The following CSMD1 variants were observed in gnomAD, a reference collection of about 807,000 sequenced individuals.
The protein encoded by CSMD1 is CUB and Sushi multiple domains 1.
A neutral mutation model predicts 417.5 loss-of-function variants in CSMD1; 213 were observed. The ratio of observed to expected loss-of-function variants is 0.51; its 90% CI spans 0.46 to 0.57. CSMD1 has a LOEUF of 0.57. Ranked by LOEUF, CSMD1 falls within the 20% of genes least tolerant of loss-of-function variation. The probability of loss-of-function intolerance (pLI) is 0.00; values close to 1 mark genes in which losing one functional copy is unlikely to be tolerated. For missense variants in CSMD1, 6,923 were observed against 4,529.7 expected, an observed-to-expected ratio of 1.53 and a Z score of -15.17; for synonymous variants, 2,862 against 1,736.8, an observed-to-expected ratio of 1.65 and a Z score of -16.11.
chr8:4,281,778 G>T (rs1350348783), intron 3 of CSMD1, among the ~76,000 whole-genome samples: 3 of 152,124 alleles, frequency 2.0e-5, no homozygotes, highest in Non-Finnish European at 4.4e-5. Context: ...GGAATAAAGT[G>T]ATAACTGTAT....
chr8:3,413,820 G>C (rs895797627), intron 12 of CSMD1, among the ~76,000 whole-genome samples: 6 of 152,068 alleles, frequency 3.9e-5, no homozygotes, highest in Non-Finnish European at 8.8e-5. Context: ...CTATGTCAGA[G>C]ACGATTTTAA....
At chr8:3,528,301 A>G (rs949594656) in intron 10 of CSMD1, among the ~76,000 whole-genome samples, 1 of 152,204 alleles carries the variant, frequency 6.6e-6, no homozygotes, top group African/African-American at 2.4e-5. Flanking sequence ...TGTTTTGCTA[A>G]TAGCTCAGTG....
intron 3 of CSMD1, among the ~76,000 whole-genome samples, chr8:4,182,249 T>C (rs905608259): frequency 6.6e-6 from 1 of 152,140 alleles, no homozygotes; most frequent in Non-Finnish European, 1.5e-5. Flanking sequence ...AAAAACGGAA[T>C]ATATCTAGAT....
intron 1 of CSMD1, among the ~76,000 whole-genome samples, chr8:4,920,946 G>C (rs535688927): frequency 2.6e-4 from 1 of 3,810 alleles, no homozygotes; most frequent in South Asian, 0.014. Flanking sequence ...AAGAAAGAAA[G>C]AAAGAAAGAA....
chr8:3,322,102 T>C (rs899521042), intron 23 of CSMD1, among the ~76,000 whole-genome samples: 1 of 152,222 alleles, frequency 6.6e-6, no homozygotes, highest in African/African-American at 2.4e-5. Flanking sequence ...AGTGCAGACA[T>C]CTTCAGTGTT....
intron 5 of CSMD1, among the ~76,000 whole-genome samples, chr8:3,767,641 T>G (rs1017325572): frequency 6.6e-6 from 1 of 152,214 alleles, no homozygotes; most frequent in African/African-American, 2.4e-5. Context: ...ATTCACGCAA[T>G]GCATACTGTA....
chr8:3,716,811 C>T (rs555627120), intron 6 of CSMD1, among the ~76,000 whole-genome samples: 8 of 152,128 alleles, frequency 5.3e-5, no homozygotes, highest in East Asian at 1.9e-4. Flanking sequence ...GTCACTTATC[C>T]GATGGAAGTA....
At chr8:3,370,975 C>A (rs538995450) in intron 18 of CSMD1, among the ~76,000 whole-genome samples, 33 of 143,522 alleles carry the variant, frequency 2.3e-4, no homozygotes, top group African/African-American at 7.1e-4. Context: ...CAAACTCCAT[C>A]AAAAAAAAAA....
chr8:3,644,508 A>T (rs1797476926), intron 7 of CSMD1, among the ~76,000 whole-genome samples: 1 of 152,200 alleles, frequency 6.6e-6, no homozygotes. Flanking sequence ...ATTAGCAAAA[A>T]GAAGATGGGG....
chr8:4,887,149 T>C (rs1287953414), intron 1 of CSMD1, among the ~76,000 whole-genome samples: 1 of 152,104 alleles, frequency 6.6e-6, no homozygotes, highest in African/African-American at 2.4e-5. Flanking sequence ...TTTACCTGCA[T>C]TCCATAAGAT....
chr8:3,367,540 C>T (rs1809678127), intron 19 of CSMD1, among the ~76,000 whole-genome samples: 1 of 151,800 alleles, frequency 6.6e-6, no homozygotes, highest in Non-Finnish European at 1.5e-5. Flanking sequence ...CACATCAAGC[C>T]TTAATCAAAA....
At chr8:3,571,467 A>T (rs573650750) in intron 10 of CSMD1, among the ~76,000 whole-genome samples, 4 of 152,186 alleles carry the variant, frequency 2.6e-5, no homozygotes, top group African/African-American at 9.7e-5. Context: ...GTAACTGTTC[A>T]AGGACAGCAG....
intron 3 of CSMD1, among the ~76,000 whole-genome samples, chr8:4,117,031 C>A (rs1381008919): frequency 1.3e-5 from 2 of 151,386 alleles, no homozygotes; most frequent in East Asian, 1.9e-4. Flanking sequence ...TTTTTCTTTT[C>A]GCAGTTTGGA....
chr8:4,937,196 G>C (rs1047036907), intron 1 of CSMD1, among the ~76,000 whole-genome samples: 52 of 151,962 alleles, frequency 3.4e-4, no homozygotes, highest in Middle Eastern at 6.8e-3. Flanking sequence ...CTGAGCAACA[G>C]AGCCAGGCCC....
chr8:4,053,397 A>G (rs1585213713), intron 3 of CSMD1, among the ~76,000 whole-genome samples: 1 of 150,284 alleles, frequency 6.7e-6, no homozygotes, highest in African/African-American at 2.5e-5. Context: ...GACTGCCTCT[A>G]CCTTGGTGTG....
rs564244752 is a variant in CSMD1, at chr8:3,219,200, T to G, written c.4672+55A>C. On this transcript the variant is annotated intron_variant, in intron 29 of 69. Coordinates refer to ENST00000635120, the MANE Select transcript of CSMD1 (RefSeq NM_033225.6). ...AGATGTTACAAAGCAATGCCTACAA[T>G]AAAAACAGTCCTGATACAAATTAAT... 9.1e-6 allele frequency: 13 copies of G among 1,427,734 alleles called. No individual in the cohort carries two copies. The East Asian group carries it at 3.0e-4, about 33-fold the overall frequency. 88.4% of individuals were successfully genotyped at this position (1,427,734 alleles called of 1,614,324 possible). A position where few individuals can be genotyped will look rare whatever the true frequency, so the allele number is the denominator to read the frequency against.
intron 2 of CSMD1, among the ~76,000 whole-genome samples, chr8:4,527,910 G>T (rs948569516): frequency 1.3e-5 from 2 of 152,184 alleles, no homozygotes; most frequent in African/African-American, 4.8e-5. Context: ...GCAACCTACA[G>T]GGCGTGCCTG....
chr8:3,796,636 GTATAGA>G (rs1001275469), intron 5 of CSMD1, among the ~76,000 whole-genome samples: 1 of 148,204 alleles, frequency 6.7e-6, no homozygotes, highest in Non-Finnish European at 1.5e-5. Context: ...ATCTTCTAAT[GTATAGA>G]TATAGATATA....
chr8:3,910,957 T>G (rs561291601), intron 5 of CSMD1, among the ~76,000 whole-genome samples: 1 of 152,348 alleles, frequency 6.6e-6, no homozygotes, highest in East Asian at 1.9e-4. Context: ...CAGGAACGCT[T>G]TCTTGGGCAT....
Sources: gnomAD v4.1 joint callset for allele counts (sites outside exome capture counted in the v4.1 genomes callset) on GRCh38, gnomAD v4.1.1 for gene constraint, MANE v1.5 for transcripts, NCBI Gene and HGNC (gene_info 2026-07-23, HGNC 2026-07-21) for gene names.